Variants in DPP10 observed in about 807,000 individuals in gnomAD.
DPP10 encodes inactive dipeptidyl peptidase 10.
Under a neutral mutation model 120.9 loss-of-function variants are expected in DPP10, and 33 were observed. The ratio of observed to expected loss-of-function variants is 0.27; its 90% CI spans 0.21 to 0.37. The LOEUF is 0.37. Ranked by LOEUF, DPP10 falls within the 10% of genes least tolerant of loss-of-function variation. DPP10 has a pLI of 1.00. For synonymous variants in DPP10, 337 were observed against 326.1 expected (o/e 1.03, Z -0.36); for missense variants, 816 against 942.8 (o/e 0.87, Z 1.76).
chr2:115,315,935 CTTT>C (rs200938505), intron 2 of DPP10, among the ~76,000 whole-genome samples: 2 of 151,964 alleles, frequency 1.3e-5, no homozygotes, highest in African/African-American at 2.4e-5. Flanking sequence ...AAAACAGTTA[CTTT>C]TTTGTCTTTC....
chr2:115,478,971 T>G (rs2075264166), intron 3 of DPP10, among the ~76,000 whole-genome samples: 2 of 152,174 alleles, frequency 1.3e-5, no homozygotes, highest in Admixed American at 6.5e-5. Flanking sequence ...TAAAATATTA[T>G]AGCTGCTGTG....
chr2:114,804,928 G>A (rs184354351), intron 1 of DPP10, among the ~76,000 whole-genome samples: 45 of 152,224 alleles, frequency 3.0e-4, no homozygotes, highest in African/African-American at 5.8e-4. Flanking sequence ...GTTTGGCTGC[G>A]TCCCCACCCA....
intron 1 of DPP10, among the ~76,000 whole-genome samples, chr2:114,997,790 G>A (rs866736412): frequency 6.6e-6 from 1 of 152,236 alleles, no homozygotes. Context: ...TGTCCTTTAT[G>A]CAAAACCCTT....
intron 3 of DPP10, among the ~76,000 whole-genome samples, chr2:115,415,068 A>G (rs2069270985): frequency 6.6e-6 from 1 of 152,160 alleles, no homozygotes; most frequent in Admixed American, 6.6e-5. Context: ...TTCTTTAACT[A>G]TCACTTATGC....
intron 1 of DPP10, among the ~76,000 whole-genome samples, chr2:115,075,832 G>A (rs774175588): frequency 6.6e-6 from 1 of 151,962 alleles, no homozygotes; most frequent in Non-Finnish European, 1.5e-5. Context: ...TTCAGGGGCA[G>A]TGAGTCCATT....
At chr2:115,701,436 A>T (rs1050187884) in intron 7 of DPP10, among the ~76,000 whole-genome samples, 7 of 152,106 alleles carry the variant, frequency 4.6e-5, no homozygotes, top group African/African-American at 1.7e-4. Flanking sequence ...AACTTAACTC[A>T]GATTGGATCA....
In DPP10 at chr2:114,648,170, C is replaced by T. The variant is rs143652295; in HGVS notation, c.60+205332C>T. On this transcript the variant is annotated intron_variant, in intron 1 of 25. Coordinates refer to ENST00000410059, the MANE Select transcript of DPP10 (RefSeq NM_020868.6). Reference sequence around the variant, plus strand: ...TCCACTTCTACGTGACTCCCACTCTCGTCCTCCCCATGACACTTGAGTGAC... The same window carrying T: ...TCCACTTCTACGTGACTCCCACTCTTGTCCTCCCCATGACACTTGAGTGAC... 1.9e-3 allele frequency among the ~76,000 whole-genome samples: 282 copies of T among 152,278 alleles called. 3 individuals carry two copies. Among genetic ancestry groups the T allele is most frequent in the African/African-American group, 6.5e-3 (271 of 41,566 alleles).
intron 1 of DPP10, among the ~76,000 whole-genome samples, chr2:114,928,708 G>T (rs950037604): frequency 6.6e-6 from 1 of 151,942 alleles, no homozygotes; most frequent in African/African-American, 2.4e-5. Flanking sequence ...TGGTGGCTAT[G>T]CTTCTGCAGC....
chr2:115,087,903 G>A (rs113363094), intron 1 of DPP10, among the ~76,000 whole-genome samples: 5 of 152,096 alleles, frequency 3.3e-5, no homozygotes, highest in Non-Finnish European at 7.4e-5. Context: ...CTGTCAGGTG[G>A]TGTCTTGGTT....
At chr2:115,161,515 A>AGC (rs1204316588) in intron 1 of DPP10, 2 of 149,438 alleles carry the variant, frequency 1.3e-5, no homozygotes, top group Non-Finnish European at 3.0e-5. Context: ...GAGAGGCCGG[A>AGC]GCGCGGCGCC....
chr2:115,517,997 G>C (rs2077592129), intron 4 of DPP10, among the ~76,000 whole-genome samples: 1 of 152,182 alleles, frequency 6.6e-6, no homozygotes, highest in Non-Finnish European at 1.5e-5. Flanking sequence ...AAGGTAAAGG[G>C]CAGCCTGCAT....
intron 1 of DPP10, among the ~76,000 whole-genome samples, chr2:114,827,033 C>T (rs13385730): frequency 0.059 from 8,975 of 151,782 alleles, 843 homozygotes; most frequent in African/African-American, 0.2. Flanking sequence ...AGGTGGTGAA[C>T]GTCAGAGAGT....
intron 1 of DPP10, among the ~76,000 whole-genome samples, chr2:115,270,272 C>A (rs1356085757): frequency 6.6e-6 from 1 of 152,044 alleles, no homozygotes; most frequent in East Asian, 1.9e-4. Flanking sequence ...GGCAGCACAG[C>A]AAAACATATG....
intron 5 of DPP10, among the ~76,000 whole-genome samples, chr2:115,624,588 C>T (rs1383702323): frequency 1.3e-5 from 2 of 152,136 alleles, no homozygotes; most frequent in South Asian, 2.1e-4. Flanking sequence ...GCATACTTTG[C>T]GTGAATAACT....
intron 1 of DPP10, among the ~76,000 whole-genome samples, chr2:114,553,098 A>G (rs975356808): frequency 6.6e-6 from 1 of 152,174 alleles, no homozygotes; most frequent in Non-Finnish European, 1.5e-5. Context: ...TCTTATCTAT[A>G]ATCACATCAA....
chr2:115,082,291 T>C (rs1406680033), intron 1 of DPP10, among the ~76,000 whole-genome samples: 2 of 152,148 alleles, frequency 1.3e-5, no homozygotes, highest in African/African-American at 4.8e-5. Context: ...TCTCACTCTT[T>C]AAAACTCCTG....
chr2:114,965,964 C>CAAAAAAAAAAAAAAAAAAAAAAAAAA (rs57107624), intron 1 of DPP10, among the ~76,000 whole-genome samples: 12 of 74,814 alleles, frequency 1.6e-4, no homozygotes, highest in Non-Finnish European at 2.4e-4. Flanking sequence ...GACTCCTTCT[C>CAAAAAAAAAAAAAAAAAAAAAAAAAA]AAAAAAAAAA....
intron 3 of DPP10, among the ~76,000 whole-genome samples, chr2:115,452,445 C>T (rs2073182011): frequency 6.6e-6 from 1 of 151,904 alleles, no homozygotes; most frequent in Admixed American, 6.6e-5. Flanking sequence ...CTGATTGAAC[C>T]TCGTTCACTT....
intron 1 of DPP10, among the ~76,000 whole-genome samples, chr2:114,953,133 A>G (rs1697920126): frequency 6.6e-6 from 1 of 152,056 alleles, no homozygotes; most frequent in East Asian, 1.9e-4. Flanking sequence ...AAAATCCTTC[A>G]AAAGTTTAAA....
Sources: gnomAD v4.1 joint callset for allele counts (sites outside exome capture counted in the v4.1 genomes callset) on GRCh38, gnomAD v4.1.1 for gene constraint, MANE v1.5 for transcripts, NCBI Gene and HGNC (gene_info 2026-07-23, HGNC 2026-07-21) for gene names.